Variants in UBE2E1 observed in about 807,000 individuals in gnomAD.
UBE2E1 encodes ubiquitin-conjugating enzyme E2 E1.
In UBE2E1, 6 loss-of-function variants were observed where a neutral mutation model predicts 21.4. That is an observed-to-expected ratio of 0.28 (90% CI 0.15 to 0.55). UBE2E1 has a LOEUF of 0.55. Ranked by LOEUF, UBE2E1 falls within the 20% of genes least tolerant of loss-of-function variation. The pLI is 0.93. For missense variants in UBE2E1, 142 were observed against 236.5 expected (o/e 0.60, Z 2.62); for synonymous variants, 87 against 82.7 (o/e 1.05, Z -0.28).
chr3:23,826,391 C>T (rs1312001129), intron 3 of UBE2E1, among the ~76,000 whole-genome samples: 1 of 152,208 alleles, frequency 6.6e-6, no homozygotes, highest in Non-Finnish European at 1.5e-5. Flanking sequence ...AGTGTGCTTG[C>T]CTTGGTTCCT....
rs118006102 is a variant in UBE2E1, at chr3:23,863,105, A to T, written c.204-24462A>T. Among the ~76,000 whole-genome samples, 14 of 150,598 alleles carry T rather than the reference A, an allele frequency of 9.3e-5. No individual in the cohort carries two copies. The East Asian group carries it at 2.7e-3, about 29-fold the overall frequency. ...AGCATTTTGCTCTCTAGTGGCAACT[A>T]CTTGTACCTCCTTGAGCCGAGTACT... is the stretch of plus-strand genomic sequence containing the variant. On this transcript the variant is annotated intron_variant, in intron 3 of 5. Transcript: ENST00000306627. This position sits in a 1 kb window ranked among gnomAD's most constrained non-coding sequence, Gnocchi z 4.3.
At chr3:23,809,034 A>G (rs1438157794) in intron 2 of UBE2E1, among the ~76,000 whole-genome samples, 2 of 152,224 alleles carry the variant, frequency 1.3e-5, no homozygotes, top group Non-Finnish European at 2.9e-5. Context: ...TTTTCACTAG[A>G]CATACTTTGT....
intron 3 of UBE2E1, among the ~76,000 whole-genome samples, chr3:23,872,100 C>G (rs1420201935): frequency 6.6e-6 from 1 of 151,448 alleles, no homozygotes; most frequent in East Asian, 1.9e-4. Context: ...ACTGAGTGAA[C>G]CAGACTCCGT....
chr3:23,844,054 A>G (rs1045694604), intron 3 of UBE2E1, among the ~76,000 whole-genome samples: 2 of 152,184 alleles, frequency 1.3e-5, no homozygotes, highest in Non-Finnish European at 2.9e-5. Flanking sequence ...ACTCATATGT[A>G]AAATGGGAGT....
intron 3 of UBE2E1, among the ~76,000 whole-genome samples, chr3:23,812,098 C>T (rs1699407326): frequency 6.6e-6 from 1 of 151,974 alleles, no homozygotes; most frequent in South Asian, 2.1e-4. Context: ...ATGTGTGTTT[C>T]AGTTTCAAAA....
chr3:23,842,285 C>T lies in UBE2E1; in HGVS notation c.203+30775C>T, dbSNP rs1458217079. 2.1e-5 allele frequency among the ~76,000 whole-genome samples: 3 copies of T among 143,868 alleles called. No homozygotes were observed. The highest frequency in any genetic ancestry group is 5.1e-5 in the African/African-American group (2 of 38,868). 94.4% of individuals were successfully genotyped at this position (143,868 alleles called of 152,430 possible). A position where few individuals can be genotyped will look rare whatever the true frequency, so the allele number is the denominator to read the frequency against. On this transcript the variant is annotated intron_variant, in intron 3 of 5. Coordinates refer to ENST00000306627, the MANE Select transcript of UBE2E1 (RefSeq NM_003341.5). This position sits in a 1 kb window ranked among gnomAD's most constrained non-coding sequence, Gnocchi z 4.6. Reference sequence around the variant, plus strand: ...TGTTGGCGACAGGGTCTCAATTCGTCGCCTAGGCTGGGATGCAGTGGTGCA... The same window carrying T: ...TGTTGGCGACAGGGTCTCAATTCGTTGCCTAGGCTGGGATGCAGTGGTGCA...
At chr3:23,841,872 A>G (rs1193493080) in intron 3 of UBE2E1, among the ~76,000 whole-genome samples, 1 of 152,092 alleles carries the variant, frequency 6.6e-6, no homozygotes, top group Non-Finnish European at 1.5e-5. Context: ...TGTTTTGTGG[A>G]CGTATGTTTG....
At chr3:23,807,507 T>G (rs1006642742) in intron 2 of UBE2E1, 86 bp downstream of exon 2, 13 of 1,518,202 alleles carry the variant, frequency 8.6e-6, no homozygotes, top group Non-Finnish European at 1.2e-5. Flanking sequence ...TGAGGATAGC[T>G]TAAACGCTCC....
chr3:23,819,039 C>T (rs1699589044), intron 3 of UBE2E1, among the ~76,000 whole-genome samples: 1 of 152,036 alleles, frequency 6.6e-6, no homozygotes, highest in South Asian at 2.1e-4. Flanking sequence ...AGTCCCAGCA[C>T]TTTGGGAGGA....
intron 4 of UBE2E1, 109 bp from the exon 5 acceptor site, chr3:23,888,999 TGACA>T (rs1701274034): frequency 9.4e-7 from 1 of 1,063,368 alleles, no homozygotes; most frequent in Admixed American, 3.1e-5. Flanking sequence ...TCTATCTTCT[TGACA>T]GCTTTAATTA....
chr3:23,867,437 T>C lies in UBE2E1; in HGVS notation c.204-20130T>C, dbSNP rs1289333813. 2.6e-5 allele frequency among the ~76,000 whole-genome samples: 4 copies of C among 152,368 alleles called. No homozygotes were observed. The East Asian group carries it at 7.7e-4, about 29-fold the overall frequency. On this transcript the variant is annotated intron_variant, in intron 3 of 5. Transcript: ENST00000306627. Reference sequence around the variant, plus strand: ...TTTGGATAAATTATCATCAACTTTGTTGAGGTGTAATTTATACACAATTAA... The same window carrying C: ...TTTGGATAAATTATCATCAACTTTGCTGAGGTGTAATTTATACACAATTAA...
Position 23,807,432 on chromosome 3 carries a change from C to CTTT in UBE2E1, c.152+19_152+21dup. Reference sequence around the variant, plus strand: ...CACCAGCGCCAAGAGGTACTGTGCTCTTTTTTTTTTCCACAGGCTTCCTAT... The same window carrying CTTT: ...CACCAGCGCCAAGAGGTACTGTGCTCTTTTTTTTTTTTTCCACAGGCTTCCTAT... On this transcript the variant is annotated intron_variant, in intron 2 of 5. Coordinates refer to ENST00000306627, the MANE Select transcript of UBE2E1 (RefSeq NM_003341.5). The CTTT allele has an allele frequency of 6.9e-7, 1 of 1,444,694 alleles. No individual in the cohort carries two copies. The highest frequency in any genetic ancestry group is 1.8e-4 in the Middle Eastern group (1 of 5,434). The allele number at this position is 1,444,694 out of a possible 1,614,324, so 89.5% of individuals were successfully genotyped here.
At position 23,810,620 on chromosome 3, in the gene UBE2E1, T is replaced by A; in HGVS notation, c.153-840T>A. On this transcript the variant is annotated intron_variant, in intron 2 of 5. Coordinates refer to ENST00000306627, the MANE Select transcript of UBE2E1 (RefSeq NM_003341.5). This position sits in a 1 kb window ranked among gnomAD's most constrained non-coding sequence, Gnocchi z 5.8. ...GCGGCCGCGGGCCGGCCACTTGGGG[T>A]CTGTGGTGCCCGAGTGGCGGGCGGG... 8.0e-7 allele frequency: 1 copy of A among 1,256,658 alleles called. No homozygotes were observed. 77.8% of individuals were successfully genotyped at this position (1,256,658 alleles called of 1,614,324 possible).
chr3:23,887,084 A>T lies in UBE2E1; in HGVS notation c.204-483A>T, dbSNP rs894040536. On this transcript the variant is annotated intron_variant, in intron 3 of 5. Coordinates refer to ENST00000306627, the MANE Select transcript of UBE2E1 (RefSeq NM_003341.5). The surrounding 1 kb of genome is among the most constrained non-coding windows in gnomAD (Gnocchi z 4.4). ...ACATGGACATACTTTTTACATTATA[A>T]ACCATCTATTAGATTCTTTTAAAGG... 4.6e-5 allele frequency among the ~76,000 whole-genome samples: 7 copies of T among 152,214 alleles called. No individual in the cohort carries two copies. The highest frequency in any genetic ancestry group is 1.7e-4 in the African/African-American group (7 of 41,450).
chr3:23,874,910 A>G (rs1158762436), intron 3 of UBE2E1, among the ~76,000 whole-genome samples: 1 of 152,002 alleles, frequency 6.6e-6, no homozygotes, highest in African/African-American at 2.4e-5. Context: ...ACCTACCCCC[A>G]CGACTACCCT....
rs560423570 is a variant in UBE2E1 at position 23,863,560 on chromosome 3, C to T, written c.204-24007C>T. Among the ~76,000 whole-genome samples the T allele has an allele frequency of 5.3e-5, 8 of 152,240 alleles. No individual in the cohort carries two copies. The South Asian group carries it at 1.5e-3, about 28-fold the overall frequency. On this transcript the variant is annotated intron_variant, in intron 3 of 5. Transcript: ENST00000306627. This position sits in a 1 kb window ranked among gnomAD's most constrained non-coding sequence, Gnocchi z 4.3. Reference sequence around the variant, plus strand: ...TTTTTATTTTTTTGAGACGGAGTTTCGCTCTTGTTGCGCAGGCTGGAGTGC... The same window carrying T: ...TTTTTATTTTTTTGAGACGGAGTTTTGCTCTTGTTGCGCAGGCTGGAGTGC...
At chr3:23,848,514 C>T (rs1700257373) in intron 3 of UBE2E1, among the ~76,000 whole-genome samples, 1 of 151,632 alleles carries the variant, frequency 6.6e-6, no homozygotes, top group Non-Finnish European at 1.5e-5. Flanking sequence ...TAAGCAGGTA[C>T]TTAGTAAATG....
At chr3:23,829,885 G>C (rs1455203072) in intron 3 of UBE2E1, among the ~76,000 whole-genome samples, 1 of 152,138 alleles carries the variant, frequency 6.6e-6, no homozygotes, top group Admixed American at 6.5e-5. Flanking sequence ...GTTGGCCTGG[G>C]TTCTTGAGGA....
At chr3:23,871,365 GC>G (rs1700783498) in intron 3 of UBE2E1, among the ~76,000 whole-genome samples, 2 of 148,748 alleles carry the variant, frequency 1.3e-5, no homozygotes, top group African/African-American at 5.0e-5. Flanking sequence ...CCCGGACGGG[GC>G]GGCTGGCCGG....
Sources: gnomAD v4.1 joint callset for allele counts (sites outside exome capture counted in the v4.1 genomes callset) on GRCh38, gnomAD v4.1.1 for gene constraint, Gnocchi (gnomAD v3.1) non-coding constraint, MANE v1.5 for transcripts, NCBI Gene and HGNC (gene_info 2026-07-23, HGNC 2026-07-21) for gene names.